Variants in CFAP299 observed in about 807,000 individuals in gnomAD.
CFAP299 encodes the protein cilia- and flagella-associated protein 299.
A neutral mutation model predicts 27.0 loss-of-function variants in CFAP299; 21 were observed. That is an observed-to-expected ratio of 0.78 (90% CI 0.55 to 1.12). The LOEUF (loss-of-function observed/expected upper bound fraction) is 1.12, where lower values mean the gene tolerates loss of function less well. CFAP299 is among the 50% of genes most tolerant of loss of function. CFAP299 has a pLI of 0.00. For synonymous variants in CFAP299, 104 were observed against 98.1 expected, an observed-to-expected ratio of 1.06 and a Z score of -0.36; for missense variants, 310 against 276.6, an observed-to-expected ratio of 1.12 and a Z score of -0.86.
At chr4:80,499,167 T>A (rs1731611047) in intron 2 of CFAP299, among the ~76,000 whole-genome samples, 1 of 152,080 alleles carries the variant, frequency 6.6e-6, no homozygotes. Flanking sequence ...GGTGAAATAA[T>A]CTGAATATCA....
chr4:80,386,522 G>A (rs867079050), intron 2 of CFAP299: 2 of 1,574,698 alleles, frequency 1.3e-6, no homozygotes, highest in African/African-American at 2.7e-5. Context: ...TGGGGGGGGG[G>A]GGTGCCGCCG....
At chr4:80,404,575 T>A (rs1020817419) in intron 2 of CFAP299, among the ~76,000 whole-genome samples, 42 of 152,234 alleles carry the variant, frequency 2.8e-4, no homozygotes, top group Admixed American at 2.6e-3. Flanking sequence ...TTACTTAATG[T>A]CCTCAAGGAT....
At chr4:80,594,666 T>C (rs1272748983) in intron 3 of CFAP299, among the ~76,000 whole-genome samples, 3 of 152,082 alleles carry the variant, frequency 2.0e-5, no homozygotes, top group African/African-American at 7.2e-5. Context: ...ACTAGAACTG[T>C]TGTTTTGTTT....
intron 4 of CFAP299, chr4:80,870,885 A>ACTTC: frequency 6.1e-6 from 6 of 985,200 alleles, no homozygotes; most frequent in Non-Finnish European, 7.2e-6. Flanking sequence ...TTATCTGAAG[A>ACTTC]CTTCCTTATC....
chr4:80,604,190 C>T (rs1737513556), intron 3 of CFAP299, among the ~76,000 whole-genome samples: 1 of 152,114 alleles, frequency 6.6e-6, no homozygotes, highest in South Asian at 2.1e-4. Flanking sequence ...CTTAAAAGAA[C>T]TCACATTTCA....
chr4:80,726,042 A>G (rs1458127380), intron 3 of CFAP299, among the ~76,000 whole-genome samples: 4 of 152,152 alleles, frequency 2.6e-5, no homozygotes, highest in Non-Finnish European at 4.4e-5. Flanking sequence ...TTTCTGCTCT[A>G]TTAATTAGTG....
chr4:80,779,299 G>T (rs1396879071), intron 3 of CFAP299, among the ~76,000 whole-genome samples: 1 of 151,920 alleles, frequency 6.6e-6, no homozygotes, highest in Non-Finnish European at 1.5e-5. Flanking sequence ...AGCATTTTTT[G>T]AGTCAACACC....
chr4:80,389,715 G>T (rs966813878), intron 2 of CFAP299, among the ~76,000 whole-genome samples: 1 of 152,056 alleles, frequency 6.6e-6, no homozygotes, highest in Non-Finnish European at 1.5e-5. Flanking sequence ...TGCCTTTATT[G>T]CTTAACTGAT....
At chr4:80,731,141 T>C (rs1172607355) in intron 3 of CFAP299, among the ~76,000 whole-genome samples, 1 of 152,240 alleles carries the variant, frequency 6.6e-6, no homozygotes, top group Non-Finnish European at 1.5e-5. Flanking sequence ...TTTTGGAAAA[T>C]ATAAAGAATA....
chr4:80,691,892 C>T (rs528615441), intron 3 of CFAP299, among the ~76,000 whole-genome samples: 182 of 152,238 alleles, frequency 1.2e-3, no homozygotes, highest in African/African-American at 4.1e-3. Context: ...CATTCTTATA[C>T]ACCAACAACA....
At chr4:80,552,181 C>T (rs1344321958) in intron 2 of CFAP299, among the ~76,000 whole-genome samples, 2 of 152,194 alleles carry the variant, frequency 1.3e-5, no homozygotes, top group Admixed American at 6.5e-5. Context: ...GACAATATAA[C>T]TGATAAGTAC....
intron 2 of CFAP299, among the ~76,000 whole-genome samples, chr4:80,567,591 C>T (rs1383826583): frequency 6.6e-6 from 1 of 151,900 alleles, no homozygotes; most frequent in African/African-American, 2.4e-5. Flanking sequence ...TCTCTCCCTT[C>T]GTGTTTAAAT....
intron 2 of CFAP299, among the ~76,000 whole-genome samples, chr4:80,462,452 A>G (rs1397414982): frequency 6.6e-6 from 1 of 152,150 alleles, no homozygotes; most frequent in Non-Finnish European, 1.5e-5. Context: ...GTAGTTAATA[A>G]AAAGCTAAAC....
chr4:80,801,920 A>C (rs1049727313), intron 3 of CFAP299, among the ~76,000 whole-genome samples: 1 of 152,096 alleles, frequency 6.6e-6, no homozygotes, highest in Admixed American at 6.6e-5. Flanking sequence ...ATTTATTTTC[A>C]ACTAATTCAG....
chr4:80,375,557 C>A (rs181159187), intron 2 of CFAP299, among the ~76,000 whole-genome samples: 197 of 152,296 alleles, frequency 1.3e-3, no homozygotes, highest in Admixed American at 2.9e-3. Flanking sequence ...TCAGGCTGAT[C>A]CACATGCAGT....
At chr4:80,400,252 C>T (rs1370246930) in intron 2 of CFAP299, among the ~76,000 whole-genome samples, 3 of 152,050 alleles carry the variant, frequency 2.0e-5, no homozygotes, top group African/African-American at 4.8e-5. Context: ...GTGTGTCAGG[C>T]ACTGGGGAGG....
At chr4:80,441,166 C>T (rs1409184027) in intron 2 of CFAP299, among the ~76,000 whole-genome samples, 2 of 152,170 alleles carry the variant, frequency 1.3e-5, no homozygotes, top group Non-Finnish European at 2.9e-5. Flanking sequence ...CCCAACCTAG[C>T]AAGACAGGGC....
At chr4:80,697,696 G>T (rs1207544971) in intron 3 of CFAP299, among the ~76,000 whole-genome samples, 1 of 152,112 alleles carries the variant, frequency 6.6e-6, no homozygotes, top group Non-Finnish European at 1.5e-5. Context: ...ATGTAAGAGC[G>T]ATCATACAAT....
intron 3 of CFAP299, among the ~76,000 whole-genome samples, chr4:80,621,705 A>G (rs1172230338): frequency 6.6e-6 from 1 of 152,166 alleles, no homozygotes; most frequent in Non-Finnish European, 1.5e-5. Flanking sequence ...AAATAATTAT[A>G]AAAGTAATAT....
Sources: allele counts gnomAD v4.1 joint callset (sites outside exome capture counted in the v4.1 genomes callset), GRCh38; gene constraint gnomAD v4.1.1; transcripts MANE v1.5; gene names NCBI Gene and HGNC (gene_info 2026-07-23, HGNC 2026-07-21).